The following KIAA2012 variants were observed in gnomAD, a reference collection of about 807,000 sequenced individuals.
KIAA2012 encodes the protein uncharacterized protein KIAA2012.
A neutral mutation model predicts 150.6 loss-of-function variants in KIAA2012; 125 were observed. The observed-to-expected ratio is 0.83, with a 90% CI of 0.72 to 0.96. The LOEUF is 0.96. Ranked by LOEUF, KIAA2012 falls within the 40% of genes least tolerant of loss-of-function variation. The probability of loss-of-function intolerance (pLI) is 0.00; values close to 1 mark genes in which losing one functional copy is unlikely to be tolerated. For synonymous variants in KIAA2012, 462 were observed against 504.7 expected (o/e 0.92, Z 1.13); for missense variants, 1,219 against 1,354.9 (o/e 0.90, Z 1.57).
chr2:202,197,218 G>A (rs975836885), intron 22 of KIAA2012, 199 bp downstream of exon 22: 5 of 838,948 alleles, frequency 6.0e-6, no homozygotes, highest in Non-Finnish European at 7.3e-6. Flanking sequence ...AAGTTGTAAT[G>A]AATCTACAAG....
At chr2:202,092,945 G>A (rs1381973198) in intron 3 of KIAA2012, 85 bp from the exon 4 acceptor site, 4 of 1,196,212 alleles carry the variant, frequency 3.3e-6, no homozygotes, top group Admixed American at 4.9e-5. Context: ...CAAGACTAGT[G>A]TAAGTGAGGA....
intron 2 of KIAA2012, among the ~76,000 whole-genome samples, chr2:202,083,022 A>T (rs1292207038): frequency 6.6e-6 from 1 of 152,200 alleles, no homozygotes; most frequent in Non-Finnish European, 1.5e-5. Flanking sequence ...CCTGAAGCCT[A>T]ATTTTTGCTG....
At chr2:202,091,037 A>T in intron 3 of KIAA2012, 108 bp downstream of exon 3, 1 of 1,393,174 alleles carries the variant, frequency 7.2e-7, no homozygotes. Flanking sequence ...TTCAAGCCCA[A>T]TTCTGTGTTA....
At chr2:202,094,901 G>C (rs1490753951) in intron 4 of KIAA2012, among the ~76,000 whole-genome samples, 2 of 152,060 alleles carry the variant, frequency 1.3e-5, no homozygotes, top group African/African-American at 4.8e-5. Context: ...ATATACCAAG[G>C]AGCTGTCACA....
Position 202,199,918 on chromosome 2 carries a change from TA to T in KIAA2012, c.3408-2509del, listed in dbSNP as rs1359261915. Among the ~76,000 whole-genome samples, 21 of 129,956 alleles carry T rather than the reference TA, an allele frequency of 1.6e-4. 1 individual carries two copies. Among genetic ancestry groups the T allele is most frequent in the Admixed American group, 3.5e-4 (4 of 11,532 alleles). The allele number at this position is 129,956 out of a possible 152,430, so 85.3% of individuals were successfully genotyped here. On this transcript the variant is annotated intron_variant, in intron 22 of 23. Coordinates refer to ENST00000498697, the MANE Select transcript of KIAA2012 (RefSeq NM_001277372.4). Reference sequence around the variant, plus strand: ...AATGCATCTTCCTCCTTGCCCCTCATAATTTTTTTTTTTTTTTTTTTTTTTT... The same window carrying T: ...AATGCATCTTCCTCCTTGCCCCTCATATTTTTTTTTTTTTTTTTTTTTTTT...
intron 9 of KIAA2012, among the ~76,000 whole-genome samples, chr2:202,107,599 C>T (rs2105925903): frequency 6.6e-6 from 1 of 152,234 alleles, no homozygotes; most frequent in Non-Finnish European, 1.5e-5. Context: ...GAACTGAGTA[C>T]CAGAACTTGT....
intron 13 of KIAA2012, among the ~76,000 whole-genome samples, chr2:202,142,143 A>G (rs1388559148): frequency 4.6e-5 from 7 of 152,196 alleles, no homozygotes; most frequent in Non-Finnish European, 1.0e-4. Flanking sequence ...ATATTGAGGC[A>G]AACTGTAAGT....
intron 15 of KIAA2012, among the ~76,000 whole-genome samples, chr2:202,170,759 G>A (rs978906785): frequency 1.3e-5 from 2 of 152,184 alleles, no homozygotes; most frequent in Non-Finnish European, 2.9e-5. Context: ...AGGCATTTAC[G>A]AACCTAGACT....
chr2:202,201,902 G>A (rs1343908182), intron 22 of KIAA2012: 4 of 965,664 alleles, frequency 4.1e-6, no homozygotes, highest in East Asian at 2.4e-5. Flanking sequence ...CTGCAGGTCC[G>A]GTTCGTCTCG....
At chr2:202,106,893 G>A (rs1690209648) in intron 9 of KIAA2012, among the ~76,000 whole-genome samples, 1 of 152,154 alleles carries the variant, frequency 6.6e-6, no homozygotes, top group African/African-American at 2.4e-5. Flanking sequence ...AAGGGCACGT[G>A]CAAGATGACA....
At chr2:202,075,303 C>A in intron 2 of KIAA2012, 128 bp downstream of exon 2, 1 of 1,071,300 alleles carries the variant, frequency 9.3e-7, no homozygotes, top group South Asian at 1.7e-5. Flanking sequence ...ATTTCTTCAT[C>A]TCTAAAATGA....
At chr2:202,076,449 C>G (rs1028026606) in intron 2 of KIAA2012, among the ~76,000 whole-genome samples, 6 of 152,138 alleles carry the variant, frequency 3.9e-5, no homozygotes, top group African/African-American at 1.4e-4. Flanking sequence ...TTTCATCTTT[C>G]AAAATAGAGA....
intron 12 of KIAA2012, chr2:202,126,045 C>A: frequency 2.7e-5 from 8 of 294,254 alleles, no homozygotes; most frequent in Non-Finnish European, 3.8e-5. Flanking sequence ...ACCTCTGACT[C>A]CCGGGTTCAA....
chr2:202,190,055 TC>T (rs1692297032), intron 18 of KIAA2012, 118 bp from the exon 19 acceptor site: 4 of 799,812 alleles, frequency 5.0e-6, no homozygotes, highest in Admixed American at 6.9e-5. Flanking sequence ...GCCACTGCTC[TC>T]CAGCTTGGGT....
At chr2:202,194,508 T>A in intron 21 of KIAA2012, 146 bp downstream of exon 21, 1 of 856,956 alleles carries the variant, frequency 1.2e-6, no homozygotes, top group Admixed American at 3.0e-5. Context: ...AAAGTGATTA[T>A]GTATGACTAT....
intron 5 of KIAA2012, among the ~76,000 whole-genome samples, 174 bp from the exon 6 acceptor site, chr2:202,099,439 T>C (rs1331551030): frequency 6.6e-6 from 1 of 152,242 alleles, no homozygotes; most frequent in Admixed American, 6.5e-5. Flanking sequence ...TAAAATGTTT[T>C]ATTGTAATAA....
At chr2:202,156,261 T>C (rs1296906828) in intron 14 of KIAA2012, among the ~76,000 whole-genome samples, 1 of 152,026 alleles carries the variant, frequency 6.6e-6, no homozygotes, top group Non-Finnish European at 1.5e-5. Flanking sequence ...AAAGAAAAGA[T>C]ATTTGTTACG....
At position 202,109,660 on chromosome 2, in the gene KIAA2012, C is replaced by T. The variant is rs1559207193; in HGVS notation, c.1522C>T (p.Pro508Ser). The T allele has an allele frequency of 6.5e-7, 1 of 1,550,342 alleles. No homozygotes were observed. ...HDVAPPLDLL[P>S]PIKGKKSPES... is the part of the protein sequence containing the mutation. Reference sequence around the variant, plus strand: ...TGTGGCCCCACCATTGGATCTTCTACCCCCGATTAAAGGAAAAAAAAGTCC... The same window carrying T: ...TGTGGCCCCACCATTGGATCTTCTATCCCCGATTAAAGGAAAAAAAAGTCC... Residue 508 changes from proline to serine, a missense_variant, in exon 10 of 24, where the codon CCC (proline) becomes TCC (serine). Coordinates refer to ENST00000498697, the MANE Select transcript of KIAA2012 (RefSeq NM_001277372.4).
chr2:202,180,812 G>A (rs906704557), intron 15 of KIAA2012, among the ~76,000 whole-genome samples: 6 of 152,136 alleles, frequency 3.9e-5, no homozygotes, highest in South Asian at 2.1e-4. Context: ...GCGACAGAGC[G>A]AGACTGTCTC....
Sources: gnomAD v4.1 joint callset for allele counts (sites outside exome capture counted in the v4.1 genomes callset) on GRCh38, gnomAD v4.1.1 for gene constraint, MANE v1.5 for transcripts, NCBI Gene and HGNC (gene_info 2026-07-23, HGNC 2026-07-21) for gene names.